The following ABL1 variants were observed in gnomAD, a reference collection of about 807,000 sequenced individuals.
ABL1 encodes the protein ABL proto-oncogene 1, non-receptor tyrosine kinase.
Under a neutral mutation model 94.7 loss-of-function variants are expected in ABL1, and 11 were observed. The ratio of observed to expected loss-of-function variants is 0.12; its 90% confidence interval spans 0.07 to 0.19. The LOEUF (loss-of-function observed/expected upper bound fraction) is 0.19, where lower values mean the gene tolerates loss of function less well. Among genes scored for constraint, ABL1 ranks in the 10% least tolerant of loss-of-function variants. ABL1 has a pLI of 1.00. For synonymous variants in ABL1, 656 were observed against 622.4 expected (o/e 1.05, Z -0.80); for missense variants, 1,082 against 1,489.4 (o/e 0.73, Z 4.50).
chr9:130,827,079 GA>G (rs906635622), intron 1 of ABL1, among the ~76,000 whole-genome samples: 4 of 148,536 alleles, frequency 2.7e-5, no homozygotes, highest in African/African-American at 9.8e-5. Context: ...CTCCGCCTCA[GA>G]AAAAAAAAAG....
chr9:130,810,172 A>G (rs949409072), intron 1 of ABL1, among the ~76,000 whole-genome samples: 33 of 152,324 alleles, frequency 2.2e-4, no homozygotes, highest in South Asian at 2.1e-4. Context: ...CAGTAAGCTA[A>G]AGAAAAGATT....
intron 1 of ABL1, among the ~76,000 whole-genome samples, chr9:130,734,135 G>A (rs1343776814): frequency 6.6e-6 from 1 of 152,058 alleles, no homozygotes; most frequent in African/African-American, 2.4e-5. Flanking sequence ...ATTGAAATGA[G>A]TGGGGTCTAG....
At chr9:130,839,776 T>C (rs1037623576) in intron 1 of ABL1, among the ~76,000 whole-genome samples, 1 of 152,176 alleles carries the variant, frequency 6.6e-6, no homozygotes, top group African/African-American at 2.4e-5. Context: ...AAGAGTTAAA[T>C]GTATGTTTGT....
chr9:130,718,317 C>CAAAAAAA (rs35188504), intron 1 of ABL1, among the ~76,000 whole-genome samples: 1 of 73,070 alleles, frequency 1.4e-5, no homozygotes, highest in Non-Finnish European at 3.1e-5. Context: ...GACTCTGTCT[C>CAAAAAAA]AAAAAAAAAA....
chr9:130,848,345 G>GAAAA (rs34112720), intron 1 of ABL1, among the ~76,000 whole-genome samples: 5 of 69,722 alleles, frequency 7.2e-5, no homozygotes, highest in Non-Finnish European at 5.7e-5. Context: ...TACTGAAAAT[G>GAAAA]AAAAAAAAAA....
At chr9:130,735,377 C>G (rs1831721640) in intron 1 of ABL1, among the ~76,000 whole-genome samples, 1 of 152,078 alleles carries the variant, frequency 6.6e-6, no homozygotes, top group Non-Finnish European at 1.5e-5. Context: ...ATTTAAACTA[C>G]AAAGCTACAG....
At chr9:130,809,127 GCA>G (rs1225529346) in intron 1 of ABL1, among the ~76,000 whole-genome samples, 1 of 152,172 alleles carries the variant, frequency 6.6e-6, no homozygotes, top group Non-Finnish European at 1.5e-5. Flanking sequence ...GGCAAGAGAT[GCA>G]CAGAGAAGAG....
intron 1 of ABL1, among the ~76,000 whole-genome samples, chr9:130,744,268 G>A (rs956671758): frequency 2.0e-5 from 3 of 151,412 alleles, no homozygotes; most frequent in African/African-American, 2.4e-5. Flanking sequence ...TCAGCCTCCC[G>A]AGTAACTGGG....
chr9:130,828,420 A>G (rs193291486), intron 1 of ABL1, among the ~76,000 whole-genome samples: 11 of 152,370 alleles, frequency 7.2e-5, no homozygotes, highest in Non-Finnish European at 1.6e-4. Flanking sequence ...AAAATCCAAC[A>G]GAAGATGTGG....
intron 1 of ABL1, among the ~76,000 whole-genome samples, chr9:130,786,004 A>G (rs1321528906): frequency 6.6e-6 from 1 of 152,130 alleles, no homozygotes; most frequent in Non-Finnish European, 1.5e-5. Context: ...ATGGCACAGA[A>G]AGGCCAATCC....
At chr9:130,747,932 G>A (rs1383940211) in intron 1 of ABL1, among the ~76,000 whole-genome samples, 1 of 152,182 alleles carries the variant, frequency 6.6e-6, no homozygotes, top group East Asian at 1.9e-4. Context: ...TGGGTCACTA[G>A]GTCATATGGT....
intron 1 of ABL1, among the ~76,000 whole-genome samples, chr9:130,718,062 A>G (rs1831467253): frequency 6.6e-6 from 1 of 151,956 alleles, no homozygotes; most frequent in Non-Finnish European, 1.5e-5. Context: ...TCACGCCTGT[A>G]ATCCGAGCAC....
intron 3 of ABL1, among the ~76,000 whole-genome samples, chr9:130,859,244 A>T (rs1029570547): frequency 5.3e-5 from 8 of 152,166 alleles, no homozygotes; most frequent in Non-Finnish European, 1.2e-4. Context: ...TCCTTAATAG[A>T]GTCTTTCCTT....
rs774952482 is a variant in ABL1 at position 130,854,984 on chromosome 9, A to G, written c.437A>G (p.Asn146Ser). The G allele has an allele frequency of 3.7e-6, 6 of 1,614,092 alleles. No homozygotes were observed. Among genetic ancestry groups the G allele is most frequent in the African/African-American group, 1.3e-5 (1 of 74,932 alleles). The part of the protein sequence containing the change: ...AAEYLLSSGI[N>S]GSFLVRESES... ...GAGTATCTGCTGAGCAGCGGGATCA[A>G]TGGCAGCTTCTTGGTGCGTGAGAGT... Residue 146 changes from asparagine (N) to serine (S), a missense_variant, in exon 3 of 11, where the codon AAT becomes AGT. Transcript: ENST00000318560.
chr9:130,778,958 T>C (rs778115657), intron 1 of ABL1, among the ~76,000 whole-genome samples: 1 of 152,224 alleles, frequency 6.6e-6, no homozygotes, highest in Non-Finnish European at 1.5e-5. Context: ...AAGTCCCTTG[T>C]ATTTTGCAGT....
intron 1 of ABL1, among the ~76,000 whole-genome samples, chr9:130,788,145 T>TA: frequency 6.6e-6 from 1 of 152,338 alleles, no homozygotes; most frequent in East Asian, 1.9e-4. Context: ...TATGTATAGT[T>TA]ACTCTGTTTT....
rs1390484817 is a variant in ABL1, at chr9:130,759,967, T to A, written c.136+45512T>A. 1.9e-4 allele frequency among the ~76,000 whole-genome samples: 9 copies of A among 46,198 alleles called. No individual in the cohort carries two copies. The Admixed American group carries it at 2.0e-3, about 10-fold the overall frequency. The allele number at this position is 46,198 out of a possible 152,430, so 30.3% of individuals were successfully genotyped here. Reference sequence around the variant, plus strand: ...GCCACACATTTAGGTAATTTAATTTTTTTTTTTTTTTTTTTTTTTTTTGGA... The same window carrying A: ...GCCACACATTTAGGTAATTTAATTTATTTTTTTTTTTTTTTTTTTTTTGGA... On this transcript the variant is annotated intron_variant, in intron 1 of 10. Coordinates refer to the ABL1 transcript ENST00000372348.
In ABL1 at chr9:130,826,688, A is replaced by G. The variant is rs546691616; in HGVS notation, c.137-27376A>G. ...AATCAAGGGGATCAATTGAGAGCCT[A>G]TAAAAGGAGGGTTTAGATTCTTCAA... On this transcript the variant is annotated intron_variant, in intron 1 of 10. Transcript: ENST00000372348. 4.6e-5 allele frequency among the ~76,000 whole-genome samples: 7 copies of G among 152,320 alleles called. No individual in the cohort carries two copies. In the East Asian group the frequency reaches 9.7e-4, roughly 21 times the overall value.
chr9:130,763,989 C>T (rs12236044), intron 1 of ABL1, among the ~76,000 whole-genome samples: 2 of 151,956 alleles, frequency 1.3e-5, no homozygotes, highest in African/African-American at 4.8e-5. Context: ...GGGCAGGGAA[C>T]GGGCAGAAGA....
Sources: gnomAD v4.1 joint callset for allele counts (sites outside exome capture counted in the v4.1 genomes callset) on GRCh38, gnomAD v4.1.1 for gene constraint, MANE v1.5 for transcripts, NCBI Gene and HGNC (gene_info 2026-07-23, HGNC 2026-07-21) for gene names.